The following ZFYVE26 variants were observed in gnomAD, a reference collection of about 807,000 sequenced individuals.
ZFYVE26 encodes zinc finger FYVE domain-containing protein 26.
In ZFYVE26, 181 loss-of-function variants were observed where a neutral mutation model predicts 276.5. The observed-to-expected ratio is 0.65, with a 90% confidence interval of 0.58 to 0.74. ZFYVE26 has a LOEUF of 0.74. Ranked by LOEUF, ZFYVE26 falls within the 30% of genes least tolerant of loss-of-function variation. The probability of loss-of-function intolerance (pLI) is 0.00; values close to 1 mark genes in which losing one functional copy is unlikely to be tolerated. For synonymous variants in ZFYVE26, 1,129 were observed against 1,203.1 expected, an observed-to-expected ratio of 0.94 and a Z score of 1.27; for missense variants, 2,821 against 3,097.9, an observed-to-expected ratio of 0.91 and a Z score of 2.12.
At chr14:67,751,237 G>T in intron 40 of ZFYVE26, 141 bp from the exon 41 acceptor site, 1 of 840,078 alleles carries the variant, frequency 1.2e-6, no homozygotes, top group Non-Finnish European at 2.0e-6. Flanking sequence ...AAGACATGGG[G>T]TCTCACTATG....
chr14:67,775,082 G>C lies in ZFYVE26; in HGVS notation c.5254C>G (p.Gln1752Glu). The change falls in exon 27 of 42, where the codon CAG becomes GAG. Residue 1752 changes from glutamine to glutamate, a missense_variant. By Grantham distance (29) the Gln-to-Glu change is conservative. Transcript: ENST00000347230. ...SVIHLQEIVH[Q>E]AADPETLPRS... The stretch of plus-strand genomic sequence containing the variant: ...GGGAGGGTCTCGGGATCTGCAGCCT[G>C]GTGGACAATTTCTTGGAGGTGAATC... The C allele has an allele frequency of 2.5e-6, 4 of 1,611,702 alleles. No individual in the cohort carries two copies. The highest frequency in any genetic ancestry group is 3.4e-6 in the Non-Finnish European group (4 of 1,179,290).
intron 13 of ZFYVE26, among the ~76,000 whole-genome samples, chr14:67,732,919 C>G (rs569898846): frequency 6.2e-4 from 94 of 151,908 alleles, no homozygotes; most frequent in Admixed American, 2.5e-3. Flanking sequence ...CTGCATGTTC[C>G]GAATGTTTTA....
At position 67,790,835 on chromosome 14, in the gene ZFYVE26, G is replaced by A. The variant is rs2039795258; in HGVS notation, c.2554-62C>T. On this transcript the variant is annotated intron_variant, in intron 14 of 41. Transcript: ENST00000347230. Reference sequence around the variant, plus strand: ...CCCACTGATTTAGGGAATGTCCATGGATAGGAGATCTTGCCAACCATTAGA... The same window carrying A: ...CCCACTGATTTAGGGAATGTCCATGAATAGGAGATCTTGCCAACCATTAGA... 1.5e-5 allele frequency: 23 copies of A among 1,495,786 alleles called. No individual in the cohort carries two copies. The South Asian group carries it at 2.2e-4, about 14-fold the overall frequency. 92.7% of individuals were successfully genotyped at this position (1,495,786 alleles called of 1,614,324 possible).
chr14:67,789,193 C>T (rs2039742861), intron 16 of ZFYVE26, 142 bp downstream of exon 16: 8 of 1,138,152 alleles, frequency 7.0e-6, no homozygotes, highest in Non-Finnish European at 7.8e-6. Flanking sequence ...TTTATGCCAT[C>T]AGATTGTATG....
chr14:67,752,804 A>T (rs2038684098), intron 39 of ZFYVE26, among the ~76,000 whole-genome samples: 1 of 152,184 alleles, frequency 6.6e-6, no homozygotes, highest in African/African-American at 2.4e-5. Flanking sequence ...TCTTATCAAA[A>T]TCCTAAGACT....
chr14:67,748,071 T>C lies in ZFYVE26; in HGVS notation c.*365A>G, dbSNP rs12879105. The C allele has an allele frequency of 0.42, 114,464 of 270,926 alleles. 25,357 individuals carry two copies. The highest frequency in any genetic ancestry group is 0.6 in the South Asian group (11,722 of 19,434). 16.8% of individuals were successfully genotyped at this position (270,926 alleles called of 1,614,324 possible). ...GGGAAGGTTTTCAGAGTGGCAAGTC[T>C]AAAGTAAAGTGCCTCTTTTAAATGG... On this transcript the variant is annotated 3_prime_UTR_variant, in exon 42 of 42. Coordinates refer to ENST00000347230, the MANE Select transcript of ZFYVE26 (RefSeq NM_015346.4).
intron 35 of ZFYVE26, among the ~76,000 whole-genome samples, chr14:67,759,244 G>GAAAAAAAAAAA: frequency 1.2e-5 from 1 of 81,642 alleles, no homozygotes; most frequent in Non-Finnish European, 2.3e-5. Flanking sequence ...GACTCTGTCT[G>GAAAAAAAAAAA]AAAAAAAAAA....
intron 32 of ZFYVE26, among the ~76,000 whole-genome samples, chr14:67,765,506 A>C (rs576003126): frequency 6.6e-6 from 1 of 152,298 alleles, no homozygotes; most frequent in African/African-American, 2.4e-5. Context: ...CAAATGTCTG[A>C]GGGAGGCAAT....
chr14:67,756,193 G>T (rs553885822), intron 35 of ZFYVE26, 48 bp from the exon 36 acceptor site: 1 of 1,591,542 alleles, frequency 6.3e-7, no homozygotes, highest in African/African-American at 1.3e-5. Flanking sequence ...CCTGGTTCTG[G>T]CACTGTCTGG....
intron 13 of ZFYVE26, chr14:67,735,216 C>T (rs980458666): frequency 2.7e-5 from 39 of 1,459,478 alleles, no homozygotes; most frequent in African/African-American, 4.2e-5. Context: ...CATCATTTCT[C>T]GTGGTGTTCA....
intron 24 of ZFYVE26, 27 bp from the exon 25 acceptor site, chr14:67,777,762 G>T: frequency 3.7e-6 from 6 of 1,613,868 alleles, no homozygotes; most frequent in Non-Finnish European, 5.1e-6. Context: ...GAGGAGGAAG[G>T]TGTGGCCTGC....
At chr14:67,810,758 C>T (rs1329964217) in intron 3 of ZFYVE26, among the ~76,000 whole-genome samples, 1 of 152,134 alleles carries the variant, frequency 6.6e-6, no homozygotes, top group East Asian at 1.9e-4. Context: ...TGAGACTTAT[C>T]CTGACAAACA....
At chr14:67,814,359 A>C (rs1241932359) in intron 2 of ZFYVE26, among the ~76,000 whole-genome samples, 2 of 152,106 alleles carry the variant, frequency 1.3e-5, no homozygotes, top group Non-Finnish European at 2.9e-5. Flanking sequence ...TCTCTACTAA[A>C]AATACAAAAA....
rs8017209 is a variant in ZFYVE26 at position 67,746,854 on chromosome 14, C to T, written c.*1582G>A. On this transcript the variant is annotated 3_prime_UTR_variant, in exon 42 of 42. Coordinates refer to ENST00000347230, the MANE Select transcript of ZFYVE26 (RefSeq NM_015346.4). ...AAGGACATTTCCTGGGAGATGGATA[C>T]GTTCTATGACTCAAGGAAGGAAAAG... 145,362 of 152,734 alleles carry T rather than the reference C, an allele frequency of 0.95. 69,511 individuals carry two copies. The highest frequency in any genetic ancestry group is 1 in the East Asian group (5,182 of 5,182). 9.5% of individuals were successfully genotyped at this position (152,734 alleles called of 1,614,324 possible). A position where few individuals can be genotyped will look rare whatever the true frequency, so the allele number is the denominator to read the frequency against.
chr14:67,781,714 G>A (rs185720958), intron 21 of ZFYVE26, among the ~76,000 whole-genome samples, 185 bp from the exon 22 acceptor site: 336 of 152,236 alleles, frequency 2.2e-3, no homozygotes, highest in Non-Finnish European at 2.9e-3. Flanking sequence ...GGAAAATGCT[G>A]TATCTCTACC....
intron 31 of ZFYVE26, among the ~76,000 whole-genome samples, chr14:67,766,675 G>A (rs1376683133): frequency 6.6e-6 from 1 of 152,168 alleles, no homozygotes; most frequent in African/African-American, 2.4e-5. Flanking sequence ...TTACTGGGAA[G>A]AAGGGCACTG....
chr14:67,785,470 A>G (rs2039624941), intron 18 of ZFYVE26, among the ~76,000 whole-genome samples, 193 bp from the exon 19 acceptor site: 1 of 152,198 alleles, frequency 6.6e-6, no homozygotes. Flanking sequence ...CCAGCCAGGG[A>G]AAGCTTTGAG....
chr14:67,805,633 A>C lies in ZFYVE26; in HGVS notation c.1018-15T>G. On this transcript the variant is annotated splice_polypyrimidine_tract_variant and intron_variant, in intron 6 of 41. Coordinates refer to ENST00000347230, the MANE Select transcript of ZFYVE26 (RefSeq NM_015346.4). ...AGTGCTGTTACCTGTAAGTCAAAGA[A>C]AGCTGTTATAGGCAGCTATGTGGAT... is the stretch of plus-strand genomic sequence containing the variant. 6.2e-7 allele frequency: 1 copy of C among 1,612,906 alleles called. No individual in the cohort carries two copies. Among genetic ancestry groups the C allele is most frequent in the Non-Finnish European group, 8.5e-7 (1 of 1,180,016 alleles).
In ZFYVE26 at chr14:67,775,978, G is replaced by C. The variant is rs146148247; in HGVS notation, c.5103C>G (p.Leu1701=). ...VDWATVAVQT[L]QQLLVGQEIG... ...TCTCCTGTCCAACCAGCAGCTGCTG[G>C]AGAGTCTGCACAGCCACAGTGGCCC... Residue 1701 remains leucine (L), a synonymous_variant, in exon 26 of 42, where the codon CTC becomes CTG. Coordinates refer to ENST00000347230, the MANE Select transcript of ZFYVE26 (RefSeq NM_015346.4). 2 of 1,614,166 alleles carry C rather than the reference G, an allele frequency of 1.2e-6. No homozygotes were observed. Among genetic ancestry groups the C allele is most frequent in the South Asian group, 2.2e-5 (2 of 91,086 alleles).
Sources: allele counts gnomAD v4.1 joint callset (sites outside exome capture counted in the v4.1 genomes callset), GRCh38; gene constraint gnomAD v4.1.1; transcripts MANE v1.5; gene names NCBI Gene and HGNC (gene_info 2026-07-23, HGNC 2026-07-21).